TTC39C: variants seen among roughly 807,000 people sequenced by gnomAD.
TTC39C encodes the protein tetratricopeptide repeat protein 39C.
TTC39C carries 33 observed loss-of-function variants against 76.3 expected under a neutral mutation model. The observed-to-expected ratio is 0.43, with a 90% confidence interval of 0.33 to 0.58. The LOEUF is 0.58. TTC39C is among the 20% of genes least tolerant of loss of function. The probability of loss-of-function intolerance (pLI) is 0.04; values close to 1 mark genes in which losing one functional copy is unlikely to be tolerated. For synonymous variants in TTC39C, 254 were observed against 260.6 expected (o/e 0.97, Z 0.24); for missense variants, 595 against 701.4 (o/e 0.85, Z 1.71).
At chr18:24,060,198 G>C (rs541687445) in intron 1 of TTC39C, among the ~76,000 whole-genome samples, 1 of 152,178 alleles carries the variant, frequency 6.6e-6, no homozygotes, top group African/African-American at 2.4e-5. Context: ...AACAGTGTAA[G>C]AGTGTTCCTT....
chr18:24,134,272 T>TG lies in TTC39C; in HGVS notation c.*1698_*1699insG. On this transcript the variant is annotated 3_prime_UTR_variant, in exon 14 of 14. Coordinates refer to ENST00000317571, the MANE Select transcript of TTC39C (RefSeq NM_001135993.2). ...TTGGACATCTGTTTTTTGTTTTTTT[T>TG]TTTTTTTTTTTTTTTTTTTGAGACG... 1 of 130,316 alleles carries TG rather than the reference T, an allele frequency of 7.7e-6. No individual in the cohort carries two copies. Among genetic ancestry groups the TG allele is most frequent in the Non-Finnish European group, 1.6e-5 (1 of 61,466 alleles). The allele number at this position is 130,316 out of a possible 1,614,324, so 8.1% of individuals were successfully genotyped here. A position where few individuals can be genotyped will look rare whatever the true frequency, so the allele number is the denominator to read the frequency against.
At chr18:24,073,560 C>G (rs1046936913) in intron 4 of TTC39C, among the ~76,000 whole-genome samples, 3 of 151,946 alleles carry the variant, frequency 2.0e-5, no homozygotes, top group South Asian at 2.1e-4. Context: ...CAAGGTCTCA[C>G]TCTGTCATCC....
intron 1 of TTC39C, among the ~76,000 whole-genome samples, chr18:24,037,878 T>A (rs2083750106): frequency 6.6e-6 from 1 of 152,146 alleles, no homozygotes; most frequent in Admixed American, 6.5e-5. Context: ...GTACCATGGA[T>A]CAGGTCAGGA....
chr18:24,045,910 T>TATATGTATATGTAC (rs1459047627), intron 1 of TTC39C, among the ~76,000 whole-genome samples: 13 of 35,668 alleles, frequency 3.6e-4, no homozygotes, highest in African/African-American at 4.6e-4. Context: ...TATATATATA[T>TATATGTATATGTAC]ATATATATAT....
At chr18:24,098,414 C>CCTTCCTTCCTCCCTCCCTCCCTCTCTCCT in intron 6 of TTC39C, among the ~76,000 whole-genome samples, 1 of 74,474 alleles carries the variant, frequency 1.3e-5, no homozygotes, top group East Asian at 5.7e-4. Flanking sequence ...CCCTCCCTCC[C>CCTTCCTTCCTCCCTCCCTCCCTCTCTCCT]TCCTTCCTTC....
At chr18:24,019,424 G>C (rs1424309806) in intron 1 of TTC39C, among the ~76,000 whole-genome samples, 1 of 152,212 alleles carries the variant, frequency 6.6e-6, no homozygotes, top group South Asian at 2.1e-4. Context: ...GCTATGAATT[G>C]TGACACTTCC....
intron 1 of TTC39C, among the ~76,000 whole-genome samples, chr18:24,023,956 A>C (rs74559691): frequency 0.69 from 37,212 of 54,302 alleles, 13,573 homozygotes; most frequent in Non-Finnish European, 0.82. Flanking sequence ...GCATGTATAT[A>C]TATATATATA....
chr18:24,079,998 C>T (rs543050609), intron 4 of TTC39C, among the ~76,000 whole-genome samples: 5 of 152,094 alleles, frequency 3.3e-5, no homozygotes, highest in Admixed American at 3.3e-4. Context: ...GATGAGATTT[C>T]TCCATGTTGC....
rs1411772596 is a variant in TTC39C, at chr18:24,123,959, T to C, written c.1296+16T>C. 6.3e-7 allele frequency: 1 copy of C among 1,578,994 alleles called. No homozygotes were observed. Among genetic ancestry groups the C allele is most frequent in the African/African-American group, 1.4e-5 (1 of 73,154 alleles). ...GGTGAAAAAGGTATGTTGGAGCCTA[T>C]TGATCTGGTGTATTACTTATGATGG... On this transcript the variant is annotated intron_variant, in intron 9 of 13. Transcript: ENST00000317571.
At chr18:24,089,834 A>T (rs2084495598) in intron 6 of TTC39C, among the ~76,000 whole-genome samples, 1 of 152,108 alleles carries the variant, frequency 6.6e-6, no homozygotes, top group Non-Finnish European at 1.5e-5. Context: ...AATTGCCTGT[A>T]AGTAAGTGGG....
chr18:24,102,084 G>A (rs10460090), intron 6 of TTC39C, among the ~76,000 whole-genome samples: 115,020 of 152,094 alleles, frequency 0.76, 43,728 homozygotes, highest in Middle Eastern at 0.89. Flanking sequence ...TCAGCCTTCA[G>A]TAATGCAGCC....
chr18:24,105,330 AC>A (rs2084733037), intron 6 of TTC39C, among the ~76,000 whole-genome samples: 1 of 152,248 alleles, frequency 6.6e-6, no homozygotes, highest in African/African-American at 2.4e-5. Flanking sequence ...AATAAAAGAT[AC>A]AGGGAAATTG....
rs530632848 is a variant in TTC39C at position 24,089,073 on chromosome 18, C to T, written c.984+5992C>T. 5.3e-5 allele frequency among the ~76,000 whole-genome samples: 8 copies of T among 152,302 alleles called. No homozygotes were observed. The South Asian group carries it at 8.3e-4, about 16-fold the overall frequency. On this transcript the variant is annotated intron_variant, in intron 6 of 13. Transcript: ENST00000317571. Reference sequence around the variant, plus strand: ...TCAGCCCATCAGTTCATCATTGTGACAGGGACAGGAGAGCAGACGTTGACC... The same window carrying T: ...TCAGCCCATCAGTTCATCATTGTGATAGGGACAGGAGAGCAGACGTTGACC...
intron 2 of TTC39C, among the ~76,000 whole-genome samples, chr18:24,065,751 GCAA>G (rs2084157795): frequency 6.6e-6 from 1 of 152,124 alleles, no homozygotes; most frequent in Non-Finnish European, 1.5e-5. Context: ...TTTAATAACA[GCAA>G]CAACAAAATT....
Position 24,082,895 on chromosome 18 carries a change from C to A in TTC39C, c.816-18C>A, listed in dbSNP as rs949184942. On this transcript the variant is annotated intron_variant, in intron 5 of 13. Transcript: ENST00000317571. ...AGGAAAGTTAATGTGCTCAATGTTTCTCTCCCTCTTCCTCTAGATTAGCTC... is the reference window on the plus strand; with the variant it reads ...AGGAAAGTTAATGTGCTCAATGTTTATCTCCCTCTTCCTCTAGATTAGCTC... 1 of 1,560,756 alleles carries A rather than the reference C, an allele frequency of 6.4e-7. No homozygotes were observed. Among genetic ancestry groups the A allele is most frequent in the South Asian group, 1.2e-5 (1 of 83,352 alleles).
At position 24,114,654 on chromosome 18, in the gene TTC39C, A is replaced by G. The variant is rs4800176; in HGVS notation, c.1078+7A>G. ...GTCTGTCTGTATGAAATTGGTAAATATGAAATGTCTGTCCAGCCTCTTGTT... is the reference window on the plus strand; with the variant it reads ...GTCTGTCTGTATGAAATTGGTAAATGTGAAATGTCTGTCCAGCCTCTTGTT... On this transcript the variant is annotated splice_region_variant and intron_variant, in intron 7 of 13. Transcript: ENST00000317571. 1.3e-5 allele frequency: 20 copies of G among 1,596,824 alleles called. No homozygotes were observed. In the African/African-American group the frequency reaches 1.9e-4, roughly 15 times the overall value.
chr18:24,015,184 G>T (rs2083438641), intron 1 of TTC39C, 146 bp downstream of exon 1: 2 of 673,964 alleles, frequency 3.0e-6, no homozygotes, highest in South Asian at 3.3e-5. Context: ...GGCAAGATCA[G>T]CCAGAGGGAA....
intron 8 of TTC39C, among the ~76,000 whole-genome samples, chr18:24,120,611 C>G (rs1363186152): frequency 2.6e-5 from 4 of 152,160 alleles, no homozygotes; most frequent in African/African-American, 9.7e-5. Context: ...AGATAACGCT[C>G]AGATTGTTTT....
At position 24,132,497 on chromosome 18, in the gene TTC39C, G is replaced by A. The variant is rs2145835376; in HGVS notation, c.1675G>A (p.Gly559Ser). ...TTTGATCTTACAGGAGGATTTCTCT[G>A]GCTACGACTTTGAAAACAGATTGCA... ...LLLQAKEDFS[G>S]YDFENRLHVR... The change falls in exon 14 of 14, where the codon GGC (glycine) becomes AGC (serine). Residue 559 changes from glycine to serine, a missense_variant. Coordinates refer to ENST00000317571, the MANE Select transcript of TTC39C (RefSeq NM_001135993.2). 5.6e-6 allele frequency: 9 copies of A among 1,614,016 alleles called. No homozygotes were observed. The highest frequency in any genetic ancestry group is 2.2e-5 in the East Asian group (1 of 44,880).
Sources: gnomAD v4.1 joint callset for allele counts (sites outside exome capture counted in the v4.1 genomes callset) on GRCh38, gnomAD v4.1.1 for gene constraint, MANE v1.5 for transcripts, NCBI Gene and HGNC (gene_info 2026-07-23, HGNC 2026-07-21) for gene names.